Variants in COL19A1 observed in about 807,000 individuals in gnomAD.
COL19A1 encodes the protein collagen alpha-1(XIX) chain.
A neutral mutation model predicts 190.2 loss-of-function variants in COL19A1; 159 were observed. The observed-to-expected ratio is 0.84, with a 90% CI of 0.73 to 0.95. The LOEUF is 0.95. Among genes scored for constraint, COL19A1 ranks in the 40% least tolerant of loss-of-function variants. The pLI is 0.00. For synonymous variants in COL19A1, 509 were observed against 458.9 expected, an observed-to-expected ratio of 1.11 and a Z score of -1.39; for missense variants, 1,418 against 1,431.9, an observed-to-expected ratio of 0.99 and a Z score of 0.16.
At chr6:69,933,775 G>T (rs2150016994) in intron 7 of COL19A1, among the ~76,000 whole-genome samples, 1 of 152,092 alleles carries the variant, frequency 6.6e-6, no homozygotes, top group Non-Finnish European at 1.5e-5. Flanking sequence ...AGTAAGGGAA[G>T]TTTTACCTTG....
intron 14 of COL19A1, among the ~76,000 whole-genome samples, chr6:70,049,666 T>A (rs1001235034): frequency 6.6e-6 from 1 of 151,994 alleles, no homozygotes; most frequent in South Asian, 2.1e-4. Flanking sequence ...AAACTTTCTT[T>A]CCTAAAAGTG....
intron 46 of COL19A1, among the ~76,000 whole-genome samples, chr6:70,187,209 T>A (rs551218951): frequency 6.6e-6 from 1 of 152,312 alleles, no homozygotes; most frequent in East Asian, 1.9e-4. Context: ...TCATTTATAC[T>A]ATTGAGTAAA....
intron 18 of COL19A1, among the ~76,000 whole-genome samples, chr6:70,136,748 A>T (rs1439713835): frequency 6.6e-6 from 1 of 152,152 alleles, no homozygotes; most frequent in Admixed American, 6.6e-5. Flanking sequence ...TACCTGGTAC[A>T]TGAAGGCTTG....
At chr6:70,192,361 A>G (rs1407210388) in intron 48 of COL19A1, among the ~76,000 whole-genome samples, 2 of 152,116 alleles carry the variant, frequency 1.3e-5, no homozygotes, top group Non-Finnish European at 2.9e-5. Flanking sequence ...CTGATATGAC[A>G]GTTTACTAAT....
At chr6:70,151,565 CT>C in intron 31 of COL19A1, 127 bp downstream of exon 31, 1 of 786,904 alleles carries the variant, frequency 1.3e-6, no homozygotes, top group South Asian at 1.6e-5. Context: ...GGCAGGACAT[CT>C]TTAAGATAGG....
At position 69,982,237 on chromosome 6, in the gene COL19A1, G is replaced by C. The variant is rs545394724; in HGVS notation, c.1026+19367G>C. Among the ~76,000 whole-genome samples, 14 of 143,126 alleles carry C rather than the reference G, an allele frequency of 9.8e-5. No homozygotes were observed. In the East Asian group the frequency reaches 2.7e-3, roughly 28 times the overall value. The allele number at this position is 143,126 out of a possible 152,430, so 93.9% of individuals were successfully genotyped here. ...GATGGAGTCTTGCTCTGTCTCCCAGGCTGGAGTGCAGTGGCACAGTCTCAG... is the reference window on the plus strand; with the variant it reads ...GATGGAGTCTTGCTCTGTCTCCCAGCCTGGAGTGCAGTGGCACAGTCTCAG... On this transcript the variant is annotated intron_variant, in intron 11 of 50. Coordinates refer to ENST00000620364, the MANE Select transcript of COL19A1 (RefSeq NM_001858.6).
At chr6:70,027,534 A>C (rs1336557960) in intron 12 of COL19A1, among the ~76,000 whole-genome samples, 1 of 146,212 alleles carries the variant, frequency 6.8e-6, no homozygotes, top group South Asian at 2.3e-4. Flanking sequence ...AAATGTGCTG[A>C]TATTTTTCTA....
chr6:70,180,633 G>A, intron 44 of COL19A1, 110 bp downstream of exon 44: 1 of 1,163,104 alleles, frequency 8.6e-7, no homozygotes. Flanking sequence ...TTTCCAAGGA[G>A]TAAGAAGAAT....
At chr6:70,166,127 G>A (rs777974567) in intron 37 of COL19A1, 142 bp downstream of exon 37, 6 of 740,188 alleles carry the variant, frequency 8.1e-6, no homozygotes, top group Non-Finnish European at 1.4e-5. Context: ...AGCCAATGTA[G>A]CTTTAAAGAG....
chr6:69,976,539 G>A (rs565591874), intron 11 of COL19A1, among the ~76,000 whole-genome samples: 1 of 152,268 alleles, frequency 6.6e-6, no homozygotes, highest in African/African-American at 2.4e-5. Flanking sequence ...CTGTGGGAAG[G>A]AAGAGGAGTG....
chr6:70,169,807 C>G (rs889804737), intron 40 of COL19A1, among the ~76,000 whole-genome samples: 3 of 152,008 alleles, frequency 2.0e-5, no homozygotes, highest in African/African-American at 7.2e-5. Context: ...TGGTCTTTCC[C>G]TCTCATACTC....
intron 16 of COL19A1, among the ~76,000 whole-genome samples, chr6:70,113,328 T>G (rs531207178): frequency 6.6e-6 from 1 of 152,340 alleles, no homozygotes; most frequent in Non-Finnish European, 1.5e-5. Context: ...CTTAAATTCT[T>G]CAGACTCCTG....
rs150585988 is a variant in COL19A1, at chr6:70,196,555, C to T, written c.3095-3053C>T. The stretch of plus-strand genomic sequence containing the variant: ...TAGAAGATAGACATGGGCCAGATGA[C>T]ATGTGTGTGTTCCTTCCTTCTCTAA... On this transcript the variant is annotated intron_variant, in intron 48 of 50. Coordinates refer to ENST00000620364, the MANE Select transcript of COL19A1 (RefSeq NM_001858.6). 2.1e-3 allele frequency among the ~76,000 whole-genome samples: 314 copies of T among 152,314 alleles called. 3 individuals carry two copies. The highest frequency in any genetic ancestry group is 5.8e-3 in the African/African-American group (240 of 41,576).
chr6:70,199,116 C>A (rs1767390634), intron 48 of COL19A1, among the ~76,000 whole-genome samples: 1 of 152,182 alleles, frequency 6.6e-6, no homozygotes, highest in Admixed American at 6.5e-5. Flanking sequence ...CAGCCTTTTT[C>A]TTTTCACTAG....
At chr6:70,108,807 G>A (rs1295622911) in intron 16 of COL19A1, among the ~76,000 whole-genome samples, 1 of 152,112 alleles carries the variant, frequency 6.6e-6, no homozygotes, top group East Asian at 1.9e-4. Context: ...TTTGAAACAT[G>A]TACATTCATG....
intron 1 of COL19A1, among the ~76,000 whole-genome samples, chr6:69,878,248 C>T (rs1332104887): frequency 6.6e-6 from 1 of 151,608 alleles, no homozygotes; most frequent in African/African-American, 2.4e-5. Flanking sequence ...GAGTGTTGCT[C>T]TGTCACCCAG....
At chr6:70,125,090 T>C (rs1045870688) in intron 17 of COL19A1, among the ~76,000 whole-genome samples, 10 of 122,466 alleles carry the variant, frequency 8.2e-5, no homozygotes, top group Non-Finnish European at 1.6e-4. Context: ...TGTCTGTTTT[T>C]GGACACTGAG....
At chr6:70,031,015 T>C (rs1181848031) in intron 12 of COL19A1, among the ~76,000 whole-genome samples, 1 of 152,232 alleles carries the variant, frequency 6.6e-6, no homozygotes, top group Non-Finnish European at 1.5e-5. Context: ...TCACATCATG[T>C]CATTTTCCTG....
At chr6:69,870,787 C>A (rs1461250062) in intron 1 of COL19A1, among the ~76,000 whole-genome samples, 2 of 152,102 alleles carry the variant, frequency 1.3e-5, no homozygotes, top group Non-Finnish European at 2.9e-5. Flanking sequence ...AGTTAGGAGT[C>A]TATTGCAATT....
Sources: gnomAD v4.1 joint callset for allele counts (sites outside exome capture counted in the v4.1 genomes callset) on GRCh38, gnomAD v4.1.1 for gene constraint, MANE v1.5 for transcripts, NCBI Gene and HGNC (gene_info 2026-07-23, HGNC 2026-07-21) for gene names.